WBP2NL: variants seen among roughly 807,000 people sequenced by gnomAD.
The protein encoded by WBP2NL is WBP2 N-terminal like.
A neutral mutation model predicts 23.3 loss-of-function variants in WBP2NL; 27 were observed. The ratio of observed to expected loss-of-function variants is 1.16; its 90% CI spans 0.85 to 1.60. The LOEUF (loss-of-function observed/expected upper bound fraction) is 1.60, where lower values mean the gene tolerates loss of function less well. Ranked by LOEUF, WBP2NL falls within the 40% of genes most tolerant of loss-of-function variation. The probability of loss-of-function intolerance (pLI) is 0.00; values close to 1 mark genes in which losing one functional copy is unlikely to be tolerated. For synonymous variants in WBP2NL, 151 were observed against 145.9 expected, an observed-to-expected ratio of 1.03 and a Z score of -0.25; for missense variants, 370 against 389.5, an observed-to-expected ratio of 0.95 and a Z score of 0.42.
At chr22:42,009,560 T>C (rs1389039731) in intron 1 of WBP2NL, among the ~76,000 whole-genome samples, 4 of 152,228 alleles carry the variant, frequency 2.6e-5, no homozygotes, top group Non-Finnish European at 5.9e-5. Flanking sequence ...GGACATCATT[T>C]GTTAAATAGA....
downstream of WBP2NL, among the ~76,000 whole-genome samples, chr22:42,037,063 T>C (rs1925207983): frequency 6.6e-6 from 1 of 152,162 alleles, no homozygotes; most frequent in Admixed American, 6.5e-5. Context: ...TTTCAAGTTT[T>C]ACATTTGAGC....
intron 1 of WBP2NL, among the ~76,000 whole-genome samples, chr22:42,009,587 G>C (rs1361667855): frequency 6.6e-6 from 1 of 152,128 alleles, no homozygotes; most frequent in Non-Finnish European, 1.5e-5. Flanking sequence ...TTTCCTCACT[G>C]AGTCATCTTA....
At chr22:42,029,871 A>G (rs1442836551), downstream of WBP2NL, 2 of 152,220 alleles carry the variant, frequency 1.3e-5, no homozygotes, top group Admixed American at 6.5e-5. Context: ...TTTTGTTATT[A>G]CAACTTCATG....
intron 8 of WBP2NL, among the ~76,000 whole-genome samples, chr22:42,038,884 G>A (rs183864633): frequency 9.4e-5 from 14 of 149,416 alleles, no homozygotes; most frequent in East Asian, 8.2e-4. Context: ...GATTACAGGC[G>A]TGAGCCACTG....
intron 8 of WBP2NL, among the ~76,000 whole-genome samples, chr22:42,051,473 A>G (rs1268170608): frequency 1.3e-5 from 2 of 152,226 alleles, no homozygotes; most frequent in African/African-American, 2.4e-5. Flanking sequence ...GTACAGCATA[A>G]AGAGTGAACC....
At chr22:42,001,652 C>T (rs1921702174) in intron 1 of WBP2NL, 1 of 1,185,784 alleles carries the variant, frequency 8.4e-7, no homozygotes, top group Non-Finnish European at 1.3e-6. Context: ...AAACTGGGAT[C>T]TCTTGTCCAC....
At chr22:42,003,735 AC>A (rs746151906) in intron 1 of WBP2NL, among the ~76,000 whole-genome samples, 1 of 152,192 alleles carries the variant, frequency 6.6e-6, no homozygotes, top group Non-Finnish European at 1.5e-5. Context: ...ACCAAAATTA[AC>A]TCATACTAAC....
At chr22:42,048,755 C>CAA (rs34128048) in intron 8 of WBP2NL, among the ~76,000 whole-genome samples, 260 of 109,720 alleles carry the variant, frequency 2.4e-3, no homozygotes, top group South Asian at 7.8e-3. Context: ...GACTCGGTCT[C>CAA]AAAAAAAAAA....
chr22:42,005,470 C>G (rs1428418880), intron 1 of WBP2NL, among the ~76,000 whole-genome samples: 1 of 151,288 alleles, frequency 6.6e-6, no homozygotes, highest in Admixed American at 6.6e-5. Flanking sequence ...GTGGAGATCT[C>G]GCTACTGCAT....
chr22:42,026,652 C>T lies in WBP2NL; in HGVS notation c.515-114C>T, dbSNP rs1293213631. 4 of 1,485,616 alleles carry T rather than the reference C, an allele frequency of 2.7e-6. No individual in the cohort carries two copies. In the East Asian group the frequency reaches 6.8e-5, roughly 25 times the overall value. The allele number at this position is 1,485,616 out of a possible 1,614,324, so 92.0% of individuals were successfully genotyped here. On this transcript the variant is annotated intron_variant, in intron 5 of 5. Transcript: ENST00000328823. ...GGAAATAGCTTTAGCATTATTCTGC[C>T]TGACTTCTCTTCTTGCGTCAGTTTG...
At chr22:42,049,755 G>T (rs1945953902) in intron 8 of WBP2NL, among the ~76,000 whole-genome samples, 1 of 138,818 alleles carries the variant, frequency 7.2e-6, no homozygotes, top group African/African-American at 2.6e-5. Flanking sequence ...CTTTTCCAGT[G>T]AGTCTTTAGA....
chr22:42,032,832 G>A (rs1306929367), downstream of WBP2NL: 2 of 379,604 alleles, frequency 5.3e-6, no homozygotes, highest in Non-Finnish European at 1.1e-5. Flanking sequence ...CCAGCAGTTT[G>A]ATTAGTTTAG....
Position 42,028,161 on chromosome 22 carries a change from A to G in WBP2NL, c.*980A>G. On this transcript the variant is annotated 3_prime_UTR_variant, in exon 6 of 6. Transcript: ENST00000328823. ...TAACCTATATGTCCATTAATAGGAA[A>G]TATATGAATAGGCTATGGTATGCCC... The G allele has an allele frequency of 2.5e-6, 1 of 398,388 alleles. No individual in the cohort carries two copies. 24.7% of individuals were successfully genotyped at this position (398,388 alleles called of 1,614,324 possible).
Position 42,019,423 on chromosome 22 carries a change from A to G in WBP2NL, c.171+4A>G, listed in dbSNP as rs1923666196. On this transcript the variant is annotated splice_donor_region_variant and intron_variant, in intron 2 of 5. Transcript: ENST00000328823. ...ATTGTTTCTCACTTCATACCGGGTA[A>G]TTTCTACTTCTACTTTAATCTGCTG... 6.2e-7 allele frequency: 1 copy of G among 1,610,534 alleles called. No homozygotes were observed. The highest frequency in any genetic ancestry group is 8.5e-7 in the Non-Finnish European group (1 of 1,178,298).
rs1015609788 is a variant in WBP2NL, at chr22:42,026,913, C to T, written c.662C>T (p.Pro221Leu). 6.2e-6 allele frequency: 10 copies of T among 1,611,814 alleles called. No homozygotes were observed. The East Asian group carries it at 2.2e-4, about 36-fold the overall frequency. Residue 221 changes from proline (P) to leucine (L), a missense_variant, in exon 6 of 6, where the codon CCT (proline) becomes CTT (leucine). Physicochemically the swap from Pro to Leu is moderately conservative, Grantham distance 98. Coordinates refer to ENST00000328823, the MANE Select transcript of WBP2NL (RefSeq NM_152613.3). ...RASPVRYGAP[P>L]LGYGAPPAGY... ...TCACCTGTGCGATATGGAGCCCCAC[C>T]TCTTGGATACGGAGCCCCACCTGCA...
chr22:42,046,707 A>G (rs1299401313), intron 8 of WBP2NL, among the ~76,000 whole-genome samples: 2 of 152,190 alleles, frequency 1.3e-5, no homozygotes, highest in African/African-American at 4.8e-5. Context: ...GATTAGATTT[A>G]TTAATCTCAG....
chr22:42,019,700 GT>G lies in WBP2NL; in HGVS notation c.212del (p.Leu71CysfsTer4). The G allele has an allele frequency of 6.2e-7, 1 of 1,614,148 alleles. No individual in the cohort carries two copies. On this transcript the variant is annotated frameshift_variant, in exon 3 of 6. Transcript: ENST00000328823. LOFTEE classifies it high-confidence loss of function. ...CTTCATGCTCCATCAGTGATCCCAT[GT>G]TGTCTTTTATGATGCCATTTGATCT... ...ITSCSISDPM[L>X]SFMMPFDLMT...
At chr22:42,000,649 C>T (rs377608746) in intron 1 of WBP2NL, among the ~76,000 whole-genome samples, 2 of 152,044 alleles carry the variant, frequency 1.3e-5, no homozygotes, top group African/African-American at 2.4e-5. Context: ...CTCAAGATAG[C>T]CGGGCGCGGT....
chr22:42,024,593 T>C (rs1924306592), intron 5 of WBP2NL, among the ~76,000 whole-genome samples: 1 of 152,180 alleles, frequency 6.6e-6, no homozygotes, highest in South Asian at 2.1e-4. Context: ...TAATGACTAA[T>C]GATGTTGAAC....
Sources: gnomAD v4.1 joint callset for allele counts (sites outside exome capture counted in the v4.1 genomes callset) on GRCh38, gnomAD v4.1.1 for gene constraint, MANE v1.5 for transcripts, NCBI Gene and HGNC (gene_info 2026-07-23, HGNC 2026-07-21) for gene names.